The following ST3GAL3 variants were observed in gnomAD, a reference collection of about 807,000 sequenced individuals.
The protein encoded by ST3GAL3 is CMP-N-acetylneuraminate-beta-1,4-galactoside alpha-2,3-sialyltransferase.
A neutral mutation model predicts 50.1 loss-of-function variants in ST3GAL3; 21 were observed. The ratio of observed to expected loss-of-function variants is 0.42; its 90% CI spans 0.30 to 0.60. The LOEUF is 0.60. Ranked by LOEUF, ST3GAL3 falls within the 20% of genes least tolerant of loss-of-function variation. The probability of loss-of-function intolerance (pLI) is 0.19; values close to 1 mark genes in which losing one functional copy is unlikely to be tolerated. For missense variants in ST3GAL3, 353 were observed against 489.4 expected (o/e 0.72, Z 2.63); for synonymous variants, 183 against 190.0 (o/e 0.96, Z 0.30).
chr1:43,855,049 C>T (rs1044580097), intron 5 of ST3GAL3, among the ~76,000 whole-genome samples: 1 of 152,106 alleles, frequency 6.6e-6, no homozygotes, highest in Non-Finnish European at 1.5e-5. Context: ...TCCTATTATT[C>T]TGTAAACTCA....
At chr1:43,754,279 G>C (rs1043958732) in intron 2 of ST3GAL3, among the ~76,000 whole-genome samples, 1 of 152,156 alleles carries the variant, frequency 6.6e-6, no homozygotes, top group Non-Finnish European at 1.5e-5. Flanking sequence ...TGCATCCTCT[G>C]CCTCCTAGGT....
intron 2 of ST3GAL3, among the ~76,000 whole-genome samples, chr1:43,785,871 G>C (rs2057258814): frequency 6.6e-6 from 1 of 152,112 alleles, no homozygotes; most frequent in Non-Finnish European, 1.5e-5. Flanking sequence ...GGGAGGAAGG[G>C]TCATGTGGTT....
At chr1:43,724,514 C>T (rs1324836032) in intron 1 of ST3GAL3, among the ~76,000 whole-genome samples, 1 of 151,488 alleles carries the variant, frequency 6.6e-6, no homozygotes, top group Non-Finnish European at 1.5e-5. Flanking sequence ...TATTTTTAAA[C>T]AAACTCTGCT....
At chr1:43,750,622 G>T (rs1685653257) in intron 2 of ST3GAL3, among the ~76,000 whole-genome samples, 1 of 152,090 alleles carries the variant, frequency 6.6e-6, no homozygotes, top group African/African-American at 2.4e-5. Context: ...CAGCACAGTG[G>T]CTAATGCCTG....
intron 1 of ST3GAL3, among the ~76,000 whole-genome samples, chr1:43,734,225 T>G (rs1677199370): frequency 1.3e-5 from 2 of 152,054 alleles, no homozygotes; most frequent in South Asian, 4.1e-4. Context: ...TTTTATAGAT[T>G]TTGTTGCCAT....
At chr1:43,909,757 C>T (rs1480902401) in intron 9 of ST3GAL3, among the ~76,000 whole-genome samples, 1 of 152,190 alleles carries the variant, frequency 6.6e-6, no homozygotes, top group Non-Finnish European at 1.5e-5. Flanking sequence ...ATATTTAGAA[C>T]ATATGGCAGG....
chr1:43,732,394 C>T (rs986275977), intron 1 of ST3GAL3, among the ~76,000 whole-genome samples: 3 of 152,176 alleles, frequency 2.0e-5, no homozygotes, highest in Non-Finnish European at 2.9e-5. Flanking sequence ...GCTCGTTATC[C>T]GTGATCACTG....
chr1:43,827,338 C>CA (rs201997566), intron 4 of ST3GAL3, among the ~76,000 whole-genome samples: 50 of 148,166 alleles, frequency 3.4e-4, no homozygotes, highest in Admixed American at 1.5e-3. Context: ...ACATTAGTGC[C>CA]AAAAAAAAAG....
At chr1:43,866,692 A>G (rs2071403804) in intron 5 of ST3GAL3, among the ~76,000 whole-genome samples, 1 of 152,168 alleles carries the variant, frequency 6.6e-6, no homozygotes, top group African/African-American at 2.4e-5. Context: ...ACATAAGGAC[A>G]TTCAGATTAC....
chr1:43,824,559 C>T (rs573945247), intron 4 of ST3GAL3, among the ~76,000 whole-genome samples: 64 of 152,288 alleles, frequency 4.2e-4, no homozygotes, highest in Middle Eastern at 3.4e-3. Context: ...ATAGCTAGCA[C>T]AAGCCAGGGC....
intron 4 of ST3GAL3, among the ~76,000 whole-genome samples, chr1:43,821,914 T>G (rs1373256822): frequency 2.0e-5 from 3 of 152,232 alleles, no homozygotes; most frequent in African/African-American, 7.2e-5. Flanking sequence ...TCAGGCAATA[T>G]TCTGTGGTCT....
At chr1:43,851,330 C>T (rs1277563835) in intron 5 of ST3GAL3, 14 of 1,515,528 alleles carry the variant, frequency 9.2e-6, no homozygotes, top group Non-Finnish European at 1.2e-5. Flanking sequence ...GCCCATGATG[C>T]ACCCATGGGT....
intron 5 of ST3GAL3, among the ~76,000 whole-genome samples, chr1:43,881,890 C>G (rs1286977433): frequency 6.6e-6 from 1 of 152,212 alleles, no homozygotes. Context: ...AGGCGGTCCC[C>G]AGACTGCCAC....
chr1:43,734,297 C>CTTCTTTT (rs1677280329), intron 1 of ST3GAL3, among the ~76,000 whole-genome samples: 1 of 114,424 alleles, frequency 8.7e-6, no homozygotes, highest in South Asian at 3.0e-4. Context: ...TCTTCTTCTT[C>CTTCTTTT]TTTTTTTTTT....
chr1:43,713,533 T>TTTG (rs2154059800), intron 1 of ST3GAL3, among the ~76,000 whole-genome samples: 1 of 150,022 alleles, frequency 6.7e-6, no homozygotes, highest in Admixed American at 6.6e-5. Context: ...TTTTTTTTTT[T>TTTG]TTTTTTTTTT....
chr1:43,715,233 C>A (rs558038440), intron 1 of ST3GAL3, among the ~76,000 whole-genome samples: 1 of 151,110 alleles, frequency 6.6e-6, no homozygotes, highest in East Asian at 1.9e-4. Context: ...TATTGTCTGT[C>A]GATATTTAAT....
intron 4 of ST3GAL3, among the ~76,000 whole-genome samples, chr1:43,824,458 T>G (rs897527114): frequency 5.3e-5 from 8 of 151,914 alleles, no homozygotes; most frequent in African/African-American, 1.9e-4. Context: ...TCACTAAAGA[T>G]TAAAAGAGGA....
At chr1:43,861,776 C>T (rs2069996050) in intron 5 of ST3GAL3, among the ~76,000 whole-genome samples, 1 of 152,176 alleles carries the variant, frequency 6.6e-6, no homozygotes, top group Non-Finnish European at 1.5e-5. Flanking sequence ...CGCCTGTAAT[C>T]CCGGCACTTT....
intron 5 of ST3GAL3, among the ~76,000 whole-genome samples, chr1:43,863,712 C>T (rs2070612407): frequency 6.6e-6 from 1 of 152,186 alleles, no homozygotes. Flanking sequence ...TCCTGGGAGA[C>T]CCCACAGAGG....
Sources: gnomAD v4.1 joint callset for allele counts (sites outside exome capture counted in the v4.1 genomes callset) on GRCh38, gnomAD v4.1.1 for gene constraint, MANE v1.5 for transcripts, NCBI Gene and HGNC (gene_info 2026-07-23, HGNC 2026-07-21) for gene names.